ZNF280D: variants seen among roughly 807,000 people sequenced by gnomAD.
ZNF280D encodes the protein zinc finger protein 280D, also known as suppressor of hairy wing homolog 4.
In ZNF280D, 39 loss-of-function variants were observed where a neutral mutation model predicts 94.7. That is an observed-to-expected ratio of 0.41 (90% CI 0.32 to 0.54). ZNF280D has a LOEUF of 0.54. ZNF280D is among the 20% of genes least tolerant of loss of function. The pLI is 0.22. For missense variants in ZNF280D, 1,090 were observed against 1,149.3 expected, an observed-to-expected ratio of 0.95 and a Z score of 0.75; for synonymous variants, 398 against 377.6, an observed-to-expected ratio of 1.05 and a Z score of -0.63.
intron 1 of ZNF280D, among the ~76,000 whole-genome samples, chr15:56,709,010 G>C (rs1482202576): frequency 6.6e-6 from 1 of 152,080 alleles, no homozygotes; most frequent in Non-Finnish European, 1.5e-5. Flanking sequence ...TGACAAATGG[G>C]ATCTAATTAA....
chr15:56,682,473 C>T lies in ZNF280D; in HGVS notation c.785G>A (p.Cys262Tyr). The change falls in exon 10 of 22, where the codon TGT becomes TAT. Residue 262 changes from cysteine to tyrosine, a missense_variant. Physicochemically the swap from Cys to Tyr is radical, Grantham distance 194. This residue lies in a region of ZNF280D where 386 missense variants were observed against 372.0 expected (regional missense o/e 1.04). Transcript: ENST00000267807. ...AAAGTTATTTATCATGTCTGGACAA[C>T]AATACTGAAAGAGAAAAAAAAAAAA... ...LDPLKNHMKY[C>Y]CPDMINNFLG... The T allele has an allele frequency of 2.0e-6, 1 of 489,914 alleles. No homozygotes were observed. The highest frequency in any genetic ancestry group is 3.2e-6 in the Non-Finnish European group (1 of 317,200). 30.3% of individuals were successfully genotyped at this position (489,914 alleles called of 1,614,324 possible).
chr15:56,724,039 C>T (rs540270612), intron 1 of ZNF280D, among the ~76,000 whole-genome samples: 12 of 152,280 alleles, frequency 7.9e-5, no homozygotes, highest in African/African-American at 1.2e-4. Context: ...GTAGCTGCAA[C>T]TTGCTGTTGC....
At chr15:56,724,221 C>T (rs546619183) in intron 1 of ZNF280D, among the ~76,000 whole-genome samples, 2 of 152,328 alleles carry the variant, frequency 1.3e-5, no homozygotes, top group East Asian at 1.9e-4. Context: ...TACTTGGTCT[C>T]TCAGCATCCA....
intron 4 of ZNF280D, among the ~76,000 whole-genome samples, chr15:56,702,827 T>C (rs934562950): frequency 1.3e-5 from 2 of 151,488 alleles, no homozygotes; most frequent in African/African-American, 4.9e-5. Flanking sequence ...CCAATCCAAG[T>C]TTAGAGGTAA....
intron 7 of ZNF280D, among the ~76,000 whole-genome samples, chr15:56,692,668 C>T (rs905184672): frequency 1.3e-5 from 2 of 151,992 alleles, no homozygotes; most frequent in African/African-American, 4.8e-5. Flanking sequence ...TCATATTGAA[C>T]TATCACGCTG....
intron 9 of ZNF280D, among the ~76,000 whole-genome samples, chr15:56,684,938 C>A (rs1216538103): frequency 6.6e-6 from 1 of 152,142 alleles, no homozygotes; most frequent in Admixed American, 6.5e-5. Context: ...ATAAAATTAT[C>A]AGTCTTCAAA....
At chr15:56,638,587 A>T (rs2052464803) in intron 20 of ZNF280D, among the ~76,000 whole-genome samples, 1 of 152,156 alleles carries the variant, frequency 6.6e-6, no homozygotes, top group South Asian at 2.1e-4. Flanking sequence ...TTTTTCTACT[A>T]AGCTTGACAT....
At chr15:56,643,394 T>C (rs2052724168) in intron 19 of ZNF280D, among the ~76,000 whole-genome samples, 1 of 151,656 alleles carries the variant, frequency 6.6e-6, no homozygotes, top group Non-Finnish European at 1.5e-5. Flanking sequence ...TATTTACGAT[T>C]ACAGGACTTA....
intron 13 of ZNF280D, among the ~76,000 whole-genome samples, chr15:56,669,472 T>C (rs2054526162): frequency 6.6e-6 from 1 of 151,830 alleles, no homozygotes; most frequent in Non-Finnish European, 1.5e-5. Context: ...TAATGAAATA[T>C]TTGAGAGCTG....
chr15:56,710,116 G>C (rs1466692125), intron 1 of ZNF280D, among the ~76,000 whole-genome samples: 1 of 152,210 alleles, frequency 6.6e-6, no homozygotes, highest in Non-Finnish European at 1.5e-5. Flanking sequence ...AAGACAGCCC[G>C]AAAAGGACGG....
rs771668835 is a variant in ZNF280D at position 56,654,838 on chromosome 15, C to A, written c.2058-335G>T. ...AAGTCACATTCTATTTGTCCTCCCACGCATCTGCAAAGTGAACATAGCGTA... is the reference window on the plus strand; with the variant it reads ...AAGTCACATTCTATTTGTCCTCCCAAGCATCTGCAAAGTGAACATAGCGTA... On this transcript the variant is annotated intron_variant, in intron 17 of 21. Transcript: ENST00000267807. The A allele has an allele frequency of 3.2e-5, 15 of 467,324 alleles. 1 individual carries two copies. Among genetic ancestry groups the A allele is most frequent in the South Asian group, 2.0e-4 (13 of 64,630 alleles). 28.9% of individuals were successfully genotyped at this position (467,324 alleles called of 1,614,324 possible).
chr15:56,668,316 G>A (rs1045818677), intron 14 of ZNF280D: 3 of 365,174 alleles, frequency 8.2e-6, no homozygotes, highest in South Asian at 6.2e-5. Flanking sequence ...TCATCAGTAT[G>A]CAGTCAGACA....
intron 16 of ZNF280D, among the ~76,000 whole-genome samples, chr15:56,663,559 G>C (rs184532532): frequency 6.6e-6 from 1 of 152,128 alleles, no homozygotes; most frequent in Non-Finnish European, 1.5e-5. Context: ...CTAATGCAAT[G>C]AGGGAAGCAA....
intron 1 of ZNF280D, among the ~76,000 whole-genome samples, chr15:56,728,030 A>T (rs1406792330): frequency 6.8e-6 from 1 of 146,450 alleles, no homozygotes; most frequent in Non-Finnish European, 1.6e-5. Context: ...ATTTTACTTA[A>T]TACATTTTTT....
chr15:56,716,335 T>C (rs1431326379), intron 1 of ZNF280D, among the ~76,000 whole-genome samples: 1 of 151,924 alleles, frequency 6.6e-6, no homozygotes, highest in African/African-American at 2.4e-5. Flanking sequence ...TTGGCTTTGC[T>C]AAAAAAAGAA....
chr15:56,633,958 T>C (rs1291712932), intron 21 of ZNF280D: 1 of 152,214 alleles, frequency 6.6e-6, no homozygotes, highest in African/African-American at 2.4e-5. Context: ...GTTAATATAT[T>C]ATTTTTTATC....
At chr15:56,637,206 C>A (rs1381859583) in intron 20 of ZNF280D, among the ~76,000 whole-genome samples, 23 of 148,492 alleles carry the variant, frequency 1.5e-4, no homozygotes, top group African/African-American at 4.5e-4. Flanking sequence ...AGATCTCACT[C>A]TGTCACCAAG....
At chr15:56,666,183 T>C (rs73423661) in intron 16 of ZNF280D, among the ~76,000 whole-genome samples, 6,421 of 152,204 alleles carry the variant, frequency 0.042, 419 homozygotes, top group African/African-American at 0.14. Flanking sequence ...CTAATTTCAT[T>C]AGCTTAATTT....
At chr15:56,679,140 T>C (rs2055447407) in intron 10 of ZNF280D, among the ~76,000 whole-genome samples, 1 of 152,122 alleles carries the variant, frequency 6.6e-6, no homozygotes, top group Non-Finnish European at 1.5e-5. Flanking sequence ...TTCTGATCCA[T>C]ACTTGAAATC....
Sources: gnomAD v4.1 joint callset for allele counts (sites outside exome capture counted in the v4.1 genomes callset) on GRCh38, gnomAD v4.1.1 for gene constraint, gnomAD v4.1.1 regional missense constraint, MANE v1.5 for transcripts, NCBI Gene and HGNC (gene_info 2026-07-23, HGNC 2026-07-21) for gene names.